GRK2: variants seen among roughly 807,000 people sequenced by gnomAD.
GRK2 encodes the protein adrenergic beta receptor kinase 1.
In GRK2, 23 loss-of-function variants were observed where a neutral mutation model predicts 97.8. The ratio of observed to expected loss-of-function variants is 0.24; its 90% confidence interval spans 0.17 to 0.33. GRK2 has a LOEUF of 0.33. GRK2 is among the 10% of genes least tolerant of loss of function. The pLI is 1.00. For missense variants in GRK2, 633 were observed against 956.9 expected (o/e 0.66, Z 4.47); for synonymous variants, 425 against 381.7 (o/e 1.11, Z -1.32).
At position 67,283,845 on chromosome 11, in the gene GRK2, C is replaced by G. The variant is rs767079957; in HGVS notation, c.1396-9C>G. On this transcript the variant is annotated splice_polypyrimidine_tract_variant and intron_variant, in intron 16 of 20. Coordinates refer to ENST00000308595, the MANE Select transcript of GRK2 (RefSeq NM_001619.5). The stretch of plus-strand genomic sequence containing the variant: ...CGAGCTAATGCCCATGACCCCTGTT[C>G]TGCTGCAGTACCCTCCCCCGCTGAT... 3 of 1,612,768 alleles carry G rather than the reference C, an allele frequency of 1.9e-6. No homozygotes were observed. Among genetic ancestry groups the G allele is most frequent in the Non-Finnish European group, 1.7e-6 (2 of 1,179,622 alleles).
intron 15 of GRK2, 79 bp downstream of exon 15, chr11:67,283,307 C>A: frequency 7.7e-7 from 1 of 1,297,198 alleles, no homozygotes; most frequent in South Asian, 1.2e-5. Flanking sequence ...ACCTGGAACC[C>A]CCTCCAAGGT....
At chr11:67,285,054 C>T (rs1187228493) in intron 19 of GRK2, 21 bp from the exon 20 acceptor site, 2 of 1,612,830 alleles carry the variant, frequency 1.2e-6, no homozygotes, top group Non-Finnish European at 1.7e-6. Flanking sequence ...TTACCTGCAC[C>T]ACCCATCCCT....
In GRK2 at chr11:67,276,626, T is replaced by G. The variant is rs1423110615; in HGVS notation, c.114-646T>G. 1.3e-5 allele frequency: 2 copies of G among 152,172 alleles called. No homozygotes were observed. The highest frequency in any genetic ancestry group is 2.9e-5 in the Non-Finnish European group (2 of 68,038). The allele number at this position is 152,172 out of a possible 1,614,324, so 9.4% of individuals were successfully genotyped here. On this transcript the variant is annotated intron_variant, in intron 1 of 20. Transcript: ENST00000308595. The surrounding 1 kb of genome is among the most constrained non-coding windows in gnomAD (Gnocchi z 4.2). ...AAATTCATCATTTTATTATACAATGTAGTGTTTTTTAGTACATTGACCGTG... is the reference window on the plus strand; with the variant it reads ...AAATTCATCATTTTATTATACAATGGAGTGTTTTTTAGTACATTGACCGTG...
intron 6 of GRK2, chr11:67,280,511 G>C (rs1860125520): frequency 3.3e-6 from 2 of 599,276 alleles, no homozygotes; most frequent in Non-Finnish European, 3.0e-6. Context: ...GCCACGGCCA[G>C]GTGGCCGAGG....
At chr11:67,283,821 G>A (rs751096689) in intron 16 of GRK2, 33 bp from the exon 17 acceptor site, 8 of 1,612,294 alleles carry the variant, frequency 5.0e-6, no homozygotes, top group South Asian at 4.4e-5. Context: ...CCCCACCCCC[G>A]AGCTAATGCC....
chr11:67,268,272 G>T (rs980874238), intron 1 of GRK2, among the ~76,000 whole-genome samples: 1 of 152,228 alleles, frequency 6.6e-6, no homozygotes, highest in Non-Finnish European at 1.5e-5. Flanking sequence ...CCTGTGCCAT[G>T]CCCTGCTCAC....
chr11:67,278,603 T>G (rs1386620125), intron 2 of GRK2, among the ~76,000 whole-genome samples: 1 of 152,174 alleles, frequency 6.6e-6, no homozygotes, highest in African/African-American at 2.4e-5. Flanking sequence ...CCCTGAGCCC[T>G]AGTTTCCCCA....
chr11:67,283,744 C>G lies in GRK2; in HGVS notation c.1366C>G (p.Leu456Val), dbSNP rs780501966. The change falls in exon 16 of 21, where the codon CTG (leucine) becomes GTG (valine). Residue 456 changes from leucine to valine, a missense_variant. Physicochemically the swap from Leu to Val is conservative, Grantham distance 32 (BLOSUM62 1). This residue lies in a region of GRK2 where 68 missense variants were observed against 71.0 expected (regional missense o/e 0.96). Transcript: ENST00000308595. ...GAAAGAGAGCCCCTTTTTCCGCTCCCTGGACTGGCAGATGGTCTTCTTGCA... is the reference window on the plus strand; with the variant it reads ...GAAAGAGAGCCCCTTTTTCCGCTCCGTGGACTGGCAGATGGTCTTCTTGCA... ...EVKESPFFRS[L>V]DWQMVFLQKY... is the part of the protein sequence containing the mutation. The G allele has an allele frequency of 6.2e-7, 1 of 1,613,754 alleles. No homozygotes were observed. Among genetic ancestry groups the G allele is most frequent in the South Asian group, 1.1e-5 (1 of 91,088 alleles).
chr11:67,279,001 G>A (rs1415206549), intron 2 of GRK2, among the ~76,000 whole-genome samples, 199 bp from the exon 3 acceptor site: 1 of 152,142 alleles, frequency 6.6e-6, no homozygotes, highest in Non-Finnish European at 1.5e-5. Context: ...GAAACACAGG[G>A]GCCCCAACCC....
In GRK2 at chr11:67,284,742, T is replaced by G. The variant is rs899685041; in HGVS notation, c.1655-105T>G. 8 of 1,439,880 alleles carry G rather than the reference T, an allele frequency of 5.6e-6. No individual in the cohort carries two copies. In the African/African-American group the frequency reaches 1.1e-4, roughly 21 times the overall value. The allele number at this position is 1,439,880 out of a possible 1,614,324, so 89.2% of individuals were successfully genotyped here. On this transcript the variant is annotated intron_variant, in intron 18 of 20. Transcript: ENST00000308595. Reference sequence around the variant, plus strand: ...AGGTGGAGGTTGCAGTGAGCCAAGATTGTGCCACAGCCCTCCAGCCTGGGC... The same window carrying G: ...AGGTGGAGGTTGCAGTGAGCCAAGAGTGTGCCACAGCCCTCCAGCCTGGGC...
intron 1 of GRK2, among the ~76,000 whole-genome samples, chr11:67,271,965 C>T (rs755441306): frequency 6.6e-6 from 1 of 152,236 alleles, no homozygotes; most frequent in African/African-American, 2.4e-5. Context: ...GGTGAATGCT[C>T]GCTCATCTCC....
At chr11:67,275,374 C>A (rs1218922111) in intron 1 of GRK2, among the ~76,000 whole-genome samples, 2 of 152,238 alleles carry the variant, frequency 1.3e-5, no homozygotes, top group African/African-American at 4.8e-5. Context: ...GCTGAAGCTG[C>A]CATTCTTCCA....
At chr11:67,274,495 CTTTTTTTTTTTTTTTTTTTTTT>C (rs57767154) in intron 1 of GRK2, among the ~76,000 whole-genome samples, 3 of 22,480 alleles carry the variant, frequency 1.3e-4, no homozygotes, top group Non-Finnish European at 1.9e-4. Context: ...TGACCAGCAC[CTTTTTTTTTTTTTTTTTTTTTT>C]TTTTTGCTTT....
Position 67,269,196 on chromosome 11 carries a change from C to T in GRK2, c.113+2384C>T, listed in dbSNP as rs888612133. On this transcript the variant is annotated intron_variant, in intron 1 of 20. Coordinates refer to ENST00000308595, the MANE Select transcript of GRK2 (RefSeq NM_001619.5). This position sits in a 1 kb window ranked among gnomAD's most constrained non-coding sequence, Gnocchi z 4.1. ...GAGCACGCCGCCCCCCGCCCCCCGC[C>T]GCCCCAGTGGTGATCCTGACCATGT... Among the ~76,000 whole-genome samples the T allele has an allele frequency of 6.6e-6, 1 of 152,198 alleles. No homozygotes were observed. Among genetic ancestry groups the T allele is most frequent in the Non-Finnish European group, 1.5e-5 (1 of 68,034 alleles).
At chr11:67,271,834 A>T (rs1454192364) in intron 1 of GRK2, among the ~76,000 whole-genome samples, 1 of 152,160 alleles carries the variant, frequency 6.6e-6, no homozygotes, top group East Asian at 1.9e-4. Context: ...AGGGAGAGTC[A>T]TTGAGAAACA....
At chr11:67,273,607 T>TG (rs1859958057) in intron 1 of GRK2, among the ~76,000 whole-genome samples, 1 of 152,156 alleles carries the variant, frequency 6.6e-6, no homozygotes, top group Non-Finnish European at 1.5e-5. Context: ...ATTGCCACTT[T>TG]GGGGGCCTTC....
intron 1 of GRK2, chr11:67,277,027 C>T: frequency 2.4e-6 from 1 of 423,366 alleles, no homozygotes; most frequent in Non-Finnish European, 4.3e-6. Flanking sequence ...GGCCTCTGAG[C>T]AGGGGGCCAC....
chr11:67,269,375 C>T lies in GRK2; in HGVS notation c.113+2563C>T, dbSNP rs1859862204. 6.6e-6 allele frequency among the ~76,000 whole-genome samples: 1 copy of T among 152,172 alleles called. No homozygotes were observed. The highest frequency in any genetic ancestry group is 6.5e-5 in the Admixed American group (1 of 15,286). On this transcript the variant is annotated intron_variant, in intron 1 of 20. Transcript: ENST00000308595. This position sits in a 1 kb window ranked among gnomAD's most constrained non-coding sequence, Gnocchi z 4.1. The stretch of plus-strand genomic sequence containing the variant: ...GGGAGGGGAGGAGTCGTGTCCTCGT[C>T]ACAGAAGAAAGCTGGAATGGGGCCT...
In GRK2 at chr11:67,281,985, CCGT is replaced by C. The variant is rs753098723; in HGVS notation, c.957+34_957+36del. Reference sequence around the variant, plus strand: ...CCCCTGCTGTCCCCAGGCTGGACCTCCGTGGCTGTCCTCTCCTTCCTCTCGACA... The same window carrying C: ...CCCCTGCTGTCCCCAGGCTGGACCTCGGCTGTCCTCTCCTTCCTCTCGACA... On this transcript the variant is annotated intron_variant, in intron 11 of 20. Coordinates refer to ENST00000308595, the MANE Select transcript of GRK2 (RefSeq NM_001619.5). The surrounding 1 kb of genome is among the most constrained non-coding windows in gnomAD (Gnocchi z 5.7). The C allele has an allele frequency of 1.2e-6, 2 of 1,611,996 alleles. No individual in the cohort carries two copies. Among genetic ancestry groups the C allele is most frequent in the Admixed American group, 3.3e-5 (2 of 59,980 alleles).
Sources: allele counts gnomAD v4.1 joint callset (sites outside exome capture counted in the v4.1 genomes callset), GRCh38; gene constraint gnomAD v4.1.1; regional missense constraint gnomAD v4.1.1; non-coding constraint Gnocchi (gnomAD v3.1); transcripts MANE v1.5; gene names NCBI Gene and HGNC (gene_info 2026-07-23, HGNC 2026-07-21).